SIPA1L3: variants seen among roughly 807,000 people sequenced by gnomAD.
SIPA1L3 encodes signal-induced proliferation-associated 1-like protein 3.
In SIPA1L3, 59 loss-of-function variants were observed where a neutral mutation model predicts 150.1. That is an observed-to-expected ratio of 0.39 (90% CI 0.32 to 0.49). SIPA1L3 has a LOEUF of 0.49. Among genes scored for constraint, SIPA1L3 ranks in the 20% least tolerant of loss-of-function variants. The pLI, the probability that SIPA1L3 is intolerant of heterozygous loss-of-function variation, is 0.86. For synonymous variants in SIPA1L3, 1,070 were observed against 1,077.6 expected (o/e 0.99, Z 0.14); for missense variants, 2,211 against 2,489.5 (o/e 0.89, Z 2.38).
At chr19:37,911,613 G>A (rs953040784) in intron 1 of SIPA1L3, among the ~76,000 whole-genome samples, 17 of 151,054 alleles carry the variant, frequency 1.1e-4, no homozygotes, top group South Asian at 6.3e-4. Context: ...GGTTCACGCC[G>A]TTCTCCTCTG....
intron 12 of SIPA1L3, among the ~76,000 whole-genome samples, chr19:38,148,220 A>G (rs1971742058): frequency 6.6e-6 from 1 of 151,352 alleles, no homozygotes; most frequent in African/African-American, 2.4e-5. Flanking sequence ...GTACGGTGGC[A>G]GGCGCCTGTA....
chr19:38,002,089 AG>A (rs1211202303), intron 1 of SIPA1L3, among the ~76,000 whole-genome samples: 2 of 152,248 alleles, frequency 1.3e-5, no homozygotes, highest in Non-Finnish European at 1.5e-5. Context: ...TTACGTGTGC[AG>A]TTCAGTGGCA....
chr19:38,100,947 G>C (rs962253604), intron 5 of SIPA1L3, 105 bp from the exon 6 acceptor site: 38 of 1,331,822 alleles, frequency 2.9e-5, no homozygotes, highest in Non-Finnish European at 3.7e-5. Context: ...TTCCCGAGTG[G>C]TCCCAGCAGC....
intron 7 of SIPA1L3, among the ~76,000 whole-genome samples, chr19:38,108,180 G>A (rs934438681): frequency 3.9e-5 from 6 of 152,058 alleles, no homozygotes; most frequent in Admixed American, 1.3e-4. Flanking sequence ...ATACTCCTGC[G>A]GCAACCGGAG....
intron 15 of SIPA1L3, among the ~76,000 whole-genome samples, chr19:38,174,695 C>A (rs1005619966): frequency 6.6e-6 from 1 of 151,322 alleles, no homozygotes; most frequent in African/African-American, 2.5e-5. Context: ...ACTAAAAATA[C>A]AAAAATTAGC....
At chr19:38,056,546 C>T (rs1969320208) in intron 2 of SIPA1L3, among the ~76,000 whole-genome samples, 1 of 152,210 alleles carries the variant, frequency 6.6e-6, no homozygotes, top group Non-Finnish European at 1.5e-5. Flanking sequence ...CCTTCTCTTG[C>T]TTTAGACTGA....
intron 13 of SIPA1L3, among the ~76,000 whole-genome samples, chr19:38,157,709 G>C (rs7253319): frequency 1.5e-3 from 222 of 152,320 alleles, no homozygotes; most frequent in African/African-American, 5.1e-3. Context: ...GACAGGATCA[G>C]GGCCTGCTGA....
Position 38,142,620 on chromosome 19 carries a change from C to A in SIPA1L3, c.3443C>A (p.Ala1148Asp). The change falls in exon 12 of 22, where the codon GCC (alanine) becomes GAC (aspartate). Residue 1148 changes from alanine (A) to aspartate (D), a missense_variant. By Grantham distance (126) the Ala-to-Asp change is moderately radical. This residue lies in a region of SIPA1L3 where 806 missense variants were observed against 870.1 expected (regional missense o/e 0.93). Transcript: ENST00000222345. ...ETPYTVSPAG[A>D]DRVPPYRQPS... ...CCTTACACAGTATCACCAGCAGGGG[C>A]CGACAGAGTCCCTCCCTACCGACAG... The A allele has an allele frequency of 6.2e-7, 1 of 1,614,058 alleles. No homozygotes were observed. Among genetic ancestry groups the A allele is most frequent in the Non-Finnish European group, 8.5e-7 (1 of 1,179,936 alleles).
chr19:37,946,741 A>AT (rs2046715510), intron 1 of SIPA1L3, among the ~76,000 whole-genome samples: 2 of 150,186 alleles, frequency 1.3e-5, no homozygotes, highest in African/African-American at 2.5e-5. Flanking sequence ...TGTTAGAGCT[A>AT]TTTTTCCTTT....
intron 15 of SIPA1L3, among the ~76,000 whole-genome samples, chr19:38,172,663 G>A (rs1368282520): frequency 6.6e-6 from 1 of 152,126 alleles, no homozygotes; most frequent in Admixed American, 6.5e-5. Context: ...CAGGTGGGAT[G>A]GGGGGAGAGT....
intron 1 of SIPA1L3, among the ~76,000 whole-genome samples, chr19:37,920,809 C>A (rs74698667): frequency 6.6e-6 from 1 of 152,224 alleles, no homozygotes; most frequent in African/African-American, 2.4e-5. Context: ...GAACACCCGG[C>A]CAGGCCCCAG....
chr19:37,951,893 C>CA lies in SIPA1L3; in HGVS notation c.-379+44558dup, dbSNP rs5827992. Among the ~76,000 whole-genome samples, 571 of 83,744 alleles carry CA rather than the reference C, an allele frequency of 6.8e-3. 7 individuals are homozygous for CA. Among genetic ancestry groups the CA allele is most frequent in the African/African-American group, 0.02 (373 of 18,220 alleles). 54.9% of individuals were successfully genotyped at this position (83,744 alleles called of 152,430 possible). ...GCCTGGCGACAGAGCAAGACTGTCT[C>CA]AAAAAAAAAAAAAAAAAAAAAAAGC... is the stretch of plus-strand genomic sequence containing the variant. On this transcript the variant is annotated intron_variant, in intron 1 of 21. Transcript: ENST00000222345.
chr19:38,166,281 C>T (rs1461437160), intron 15 of SIPA1L3, among the ~76,000 whole-genome samples: 1 of 151,716 alleles, frequency 6.6e-6, no homozygotes, highest in Non-Finnish European at 1.5e-5. Context: ...TGGTGAAACC[C>T]CGTCTCTACT....
At chr19:38,127,738 G>A (rs1971208787) in intron 9 of SIPA1L3, among the ~76,000 whole-genome samples, 1 of 152,032 alleles carries the variant, frequency 6.6e-6, no homozygotes, top group Non-Finnish European at 1.5e-5. Context: ...GGCTCAAGCA[G>A]TCCTCCTGCC....
At position 38,082,387 on chromosome 19, in the gene SIPA1L3, G is replaced by A; in HGVS notation, c.822G>A (p.Leu274=). The change falls in exon 3 of 22, where the codon CTG becomes CTA. Residue 274 remains leucine (L), a synonymous_variant. Transcript: ENST00000222345. The stretch of plus-strand genomic sequence containing the variant: ...CCGCCAAGGACAGCCTCCTGCCACT[G>A]CAGCCCACGAAGGAGAAGGAGAAGG... ...GQPAKDSLLP[L]QPTKEKEKAR... 6.3e-7 allele frequency: 1 copy of A among 1,598,992 alleles called. No homozygotes were observed. The highest frequency in any genetic ancestry group is 8.5e-7 in the Non-Finnish European group (1 of 1,178,196).
At chr19:38,197,599 C>T (rs957051367) in intron 18 of SIPA1L3, among the ~76,000 whole-genome samples, 3 of 152,046 alleles carry the variant, frequency 2.0e-5, no homozygotes, top group African/African-American at 7.3e-5. Flanking sequence ...CCACCATCTC[C>T]TTGGAATGTC....
chr19:38,023,618 T>A (rs1270878894), intron 1 of SIPA1L3, among the ~76,000 whole-genome samples: 1 of 152,192 alleles, frequency 6.6e-6, no homozygotes, highest in Non-Finnish European at 1.5e-5. Context: ...TGAACCACTT[T>A]ATTAGTAGTT....
chr19:38,050,467 AC>A (rs1322026486), intron 2 of SIPA1L3, among the ~76,000 whole-genome samples: 2 of 152,216 alleles, frequency 1.3e-5, no homozygotes, highest in African/African-American at 4.8e-5. Context: ...AATAACAACA[AC>A]AACAAAAAAA....
intron 1 of SIPA1L3, among the ~76,000 whole-genome samples, chr19:37,926,743 G>C (rs2046507213): frequency 6.6e-6 from 1 of 152,196 alleles, no homozygotes; most frequent in South Asian, 2.1e-4. Context: ...CGCCAACTTT[G>C]GAAGAGCTCA....
Sources: gnomAD v4.1 joint callset for allele counts (sites outside exome capture counted in the v4.1 genomes callset) on GRCh38, gnomAD v4.1.1 for gene constraint, gnomAD v4.1.1 regional missense constraint, MANE v1.5 for transcripts, NCBI Gene and HGNC (gene_info 2026-07-23, HGNC 2026-07-21) for gene names.